Variants in C14orf39 observed in about 807,000 individuals in gnomAD.
C14orf39 encodes the protein chromosome 14 open reading frame 39.
C14orf39 carries 66 observed loss-of-function variants against 85.6 expected under a neutral mutation model. The ratio of observed to expected loss-of-function variants is 0.77; its 90% CI spans 0.63 to 0.95. The LOEUF is 0.95. Among genes scored for constraint, C14orf39 ranks in the 40% least tolerant of loss-of-function variants. C14orf39 has a pLI of 0.00. For synonymous variants in C14orf39, 242 were observed against 214.0 expected, an observed-to-expected ratio of 1.13 and a Z score of -1.14; for missense variants, 735 against 663.9, an observed-to-expected ratio of 1.11 and a Z score of -1.18.
chr14:60,479,566 C>T (rs1373995825), intron 4 of C14orf39, among the ~76,000 whole-genome samples: 3 of 152,054 alleles, frequency 2.0e-5, no homozygotes, highest in African/African-American at 7.2e-5. Flanking sequence ...TTTAAAATTC[C>T]ATAAAACATA....
upstream of C14orf39, among the ~76,000 whole-genome samples, chr14:60,487,107 T>C (rs1224683836): frequency 6.6e-6 from 1 of 152,226 alleles, no homozygotes; most frequent in Admixed American, 6.5e-5. Flanking sequence ...CATATAATCA[T>C]TTTTGGGTGT....
chr14:60,478,182 A>AAAAAAAAAAAAAAG, intron 5 of C14orf39, 118 bp downstream of exon 5: 1 of 204,740 alleles, frequency 4.9e-6, no homozygotes, highest in Non-Finnish European at 1.0e-5. Context: ...CCATCTCAAA[A>AAAAAAAAAAAAAAG]AAAAAAAAAG....
intron 5 of C14orf39, among the ~76,000 whole-genome samples, chr14:60,476,718 G>T (rs1892395360): frequency 6.6e-6 from 1 of 152,126 alleles, no homozygotes; most frequent in African/African-American, 2.4e-5. Context: ...TACATTGACA[G>T]ATGCTATAAG....
intron 4 of C14orf39, among the ~76,000 whole-genome samples, chr14:60,481,961 T>C (rs963542508): frequency 2.0e-5 from 3 of 152,238 alleles, no homozygotes; most frequent in Admixed American, 2.0e-4. Flanking sequence ...ATTTCCTATG[T>C]GGTTTCTGAT....
At chr14:60,483,587 AT>A (rs1892740118) in intron 4 of C14orf39, 103 bp downstream of exon 4, 1 of 958,876 alleles carries the variant, frequency 1.0e-6, no homozygotes, top group Non-Finnish European at 1.5e-6. Context: ...GACTTGATTC[AT>A]TAGCTAATAC....
chr14:60,468,645 G>T, intron 8 of C14orf39, 109 bp from the exon 9 acceptor site: 1 of 531,868 alleles, frequency 1.9e-6, no homozygotes, highest in East Asian at 3.4e-5. Context: ...TCATATTTTT[G>T]ATAGCATTTA....
chr14:60,449,049 T>A (rs926048487), intron 16 of C14orf39, among the ~76,000 whole-genome samples: 1 of 151,460 alleles, frequency 6.6e-6, no homozygotes, highest in Non-Finnish European at 1.5e-5. Context: ...AGTAGGGGGC[T>A]GGGGGAGGGA....
chr14:60,453,199 T>G (rs894182752), intron 16 of C14orf39, among the ~76,000 whole-genome samples: 1 of 152,114 alleles, frequency 6.6e-6, no homozygotes, highest in African/African-American at 2.4e-5. Context: ...ATTTCTCTCT[T>G]TAATTCTGTT....
In C14orf39 at chr14:60,468,475, T is replaced by G; in HGVS notation, c.737A>C (p.Asn246Thr). ...TTTCAGTTCTTTTCTGTTTTCTGTA[T>G]TTTTGTTCTTTTCTTCCAGAGTTTC... The part of the protein sequence containing the change: ...LSETLEEKNK[N>T]TENRKELKER... The change falls in exon 9 of 18, where the codon AAT becomes ACT. Residue 246 changes from asparagine to threonine, a missense_variant. Coordinates refer to ENST00000321731, the MANE Select transcript of C14orf39 (RefSeq NM_174978.3). 1 of 1,597,820 alleles carries G rather than the reference T, an allele frequency of 6.3e-7. No individual in the cohort carries two copies. The highest frequency in any genetic ancestry group is 8.5e-7 in the Non-Finnish European group (1 of 1,170,816).
intron 16 of C14orf39, among the ~76,000 whole-genome samples, chr14:60,446,237 C>T (rs1890759809): frequency 6.6e-6 from 1 of 152,040 alleles, no homozygotes; most frequent in South Asian, 2.1e-4. Context: ...GAGCTAGAGA[C>T]ACAAAAAACC....
chr14:60,456,071 A>G (rs1214689701), intron 15 of C14orf39, among the ~76,000 whole-genome samples: 4 of 152,096 alleles, frequency 2.6e-5, no homozygotes, highest in Non-Finnish European at 5.9e-5. Flanking sequence ...ATTCAAATCC[A>G]TAACTCTTAT....
At chr14:60,486,198 C>T (rs929399278), upstream of C14orf39, 4 of 152,210 alleles carry the variant, frequency 2.6e-5, no homozygotes, top group African/African-American at 9.6e-5. Flanking sequence ...ACCGCTCCTT[C>T]TTCGCGGGTG....
intron 5 of C14orf39, among the ~76,000 whole-genome samples, chr14:60,474,570 G>A (rs370615649): frequency 2.9e-4 from 44 of 152,042 alleles, no homozygotes; most frequent in Admixed American, 6.6e-4. Flanking sequence ...TTTGAGATAC[G>A]TCCCATCGAT....
intron 1 of C14orf39, among the ~76,000 whole-genome samples, chr14:60,504,463 T>C (rs1322385202): frequency 6.6e-6 from 1 of 152,274 alleles, no homozygotes; most frequent in African/African-American, 2.4e-5. Flanking sequence ...ATGTGTATTT[T>C]AGAAGGATAT....
chr14:60,479,854 C>T (rs1595483091), intron 4 of C14orf39, among the ~76,000 whole-genome samples: 3 of 152,122 alleles, frequency 2.0e-5, no homozygotes, highest in Admixed American at 2.0e-4. Context: ...TATACCAAAA[C>T]TCATTTAACC....
intron 5 of C14orf39, among the ~76,000 whole-genome samples, chr14:60,473,894 G>T (rs1416822894): frequency 2.0e-5 from 3 of 152,026 alleles, no homozygotes; most frequent in Non-Finnish European, 1.5e-5. Context: ...AGGCTCTTTT[G>T]TGGTTCCATA....
chr14:60,466,184 C>A lies in C14orf39; in HGVS notation c.896-129G>T, dbSNP rs372810732. 1.3e-3 allele frequency: 566 copies of A among 426,942 alleles called. 13 individuals are homozygous for A. In the South Asian group the frequency reaches 0.029, roughly 22 times the overall value. The allele number at this position is 426,942 out of a possible 1,614,324, so 26.4% of individuals were successfully genotyped here. A position where few individuals can be genotyped will look rare whatever the true frequency, so the allele number is the denominator to read the frequency against. ...TGAATTTTTAATTTAAATTAAAATA[C>A]GGAATTATGAAATTATTTTAAAACT... On this transcript the variant is annotated intron_variant, in intron 10 of 17. Coordinates refer to ENST00000321731, the MANE Select transcript of C14orf39 (RefSeq NM_174978.3).
chr14:60,441,678 ATGT>A (rs1890520779), intron 17 of C14orf39, among the ~76,000 whole-genome samples: 1 of 152,206 alleles, frequency 6.6e-6, no homozygotes, highest in Admixed American at 6.5e-5. Flanking sequence ...TTATATTAAT[ATGT>A]TGAATGAATT....
At position 60,462,875 on chromosome 14, in the gene C14orf39, T is replaced by C. The variant is rs1009096967; in HGVS notation, c.973-1282A>G. Among the ~76,000 whole-genome samples the C allele has an allele frequency of 4.6e-5, 7 of 152,114 alleles. 1 individual carries two copies. The highest frequency in any genetic ancestry group is 2.0e-4 in the Admixed American group (3 of 15,264). The stretch of plus-strand genomic sequence containing the variant: ...CAATACAATTCTTCTTTTTCCAGTG[T>C]GGCCCAGGTAAGCCAAAAGATTGGA... On this transcript the variant is annotated intron_variant, in intron 11 of 17. Coordinates refer to ENST00000321731, the MANE Select transcript of C14orf39 (RefSeq NM_174978.3).
Sources: gnomAD v4.1 joint callset for allele counts (sites outside exome capture counted in the v4.1 genomes callset) on GRCh38, gnomAD v4.1.1 for gene constraint, MANE v1.5 for transcripts, NCBI Gene and HGNC (gene_info 2026-07-23, HGNC 2026-07-21) for gene names.